Variants in TMEM18 observed in about 807,000 individuals in gnomAD.
TMEM18 encodes the protein transmembrane protein 18.
A neutral mutation model predicts 17.4 loss-of-function variants in TMEM18; 14 were observed. That is an observed-to-expected ratio of 0.80 (90% CI 0.53 to 1.25). TMEM18 has a LOEUF of 1.25. Among genes scored for constraint, TMEM18 ranks in the 50% most tolerant of loss-of-function variants. The pLI is 0.00. For missense variants in TMEM18, 187 were observed against 172.1 expected, an observed-to-expected ratio of 1.09 and a Z score of -0.48; for synonymous variants, 86 against 66.1, an observed-to-expected ratio of 1.30 and a Z score of -1.46.
intron 3 of TMEM18, among the ~76,000 whole-genome samples, chr2:672,585 C>T (rs1405508019): frequency 6.6e-6 from 1 of 152,268 alleles, no homozygotes; most frequent in Admixed American, 6.5e-5. Context: ...GAGGCCTCAG[C>T]CAGCACTGTC....
chr2:666,655 G>C lies in TMEM18; in HGVS notation c.*2925C>G, dbSNP rs1363765641. ...GACATCTTCGCACCATCCTGGGACT[G>C]GGCAGCGCCACCCCCTGGGTGCTCT... On this transcript the variant is annotated 3_prime_UTR_variant, in exon 5 of 5. Coordinates refer to ENST00000281017, the MANE Select transcript of TMEM18 (RefSeq NM_152834.4). Among the ~76,000 whole-genome samples the C allele has an allele frequency of 1.3e-5, 2 of 152,124 alleles. No individual in the cohort carries two copies. Among genetic ancestry groups the C allele is most frequent in the African/African-American group, 4.8e-5 (2 of 41,432 alleles).
intron 1 of TMEM18, chr2:676,412 T>TGCCCTCCAAGCTGCAGCCCC: frequency 4.5e-6 from 6 of 1,325,326 alleles, no homozygotes; most frequent in Non-Finnish European, 2.0e-6. Context: ...AGCCCCGCCC[T>TGCCCTCCAAGCTGCAGCCCC]GCCCTCCAAG....
At position 675,598 on chromosome 2, in the gene TMEM18, C is replaced by A. The variant is rs1298958840; in HGVS notation, c.90G>T (p.Gly30=). The A allele has an allele frequency of 6.2e-7, 1 of 1,614,148 alleles. No homozygotes were observed. Among genetic ancestry groups the A allele is most frequent in the South Asian group, 1.1e-5 (1 of 91,086 alleles). Residue 30 remains glycine, a synonymous_variant, in exon 2 of 5, where the codon GGG becomes GGT. Transcript: ENST00000281017. ...CGCAGAGCGCGTGGAAGGTGGCCAG[C>A]CCCATGAGCCAGGGCTCAGTCCAGT... ...QTDWTEPWLM[G]LATFHALCVL... is the part of the protein sequence containing the mutation.
rs1257865525 is a variant in TMEM18, at chr2:666,944, C to T, written c.*2636G>A. Reference sequence around the variant, plus strand: ...CCGGTATATCTCTGACGGCAATTCTCGTCTGTCTTTAAGCATCCCACTCAA... The same window carrying T: ...CCGGTATATCTCTGACGGCAATTCTTGTCTGTCTTTAAGCATCCCACTCAA... On this transcript the variant is annotated 3_prime_UTR_variant, in exon 5 of 5. Transcript: ENST00000281017. Among the ~76,000 whole-genome samples, 3 of 151,720 alleles carry T rather than the reference C, an allele frequency of 2.0e-5. No individual in the cohort carries two copies. The highest frequency in any genetic ancestry group is 6.6e-5 in the Admixed American group (1 of 15,246).
intron 3 of TMEM18, 96 bp from the exon 4 acceptor site, chr2:669,946 G>A (rs1678797542): frequency 2.1e-6 from 2 of 940,478 alleles, no homozygotes; most frequent in Non-Finnish European, 3.2e-6. Context: ...GAGAGCTGAT[G>A]TGGACTGAGG....
chr2:667,629 G>A lies in TMEM18; in HGVS notation c.*1951C>T, dbSNP rs578120054. 17 of 152,224 alleles carry A rather than the reference G, an allele frequency of 1.1e-4. No individual in the cohort carries two copies. Among genetic ancestry groups the A allele is most frequent in the Middle Eastern group, 3.4e-3 (1 of 294 alleles). 9.4% of individuals were successfully genotyped at this position (152,224 alleles called of 1,614,324 possible). A position where few individuals can be genotyped will look rare whatever the true frequency, so the allele number is the denominator to read the frequency against. ...GCTTCTATGACTTTCCCTAAAATGA[G>A]GACAACATATCAAGACAATTGTTAA... On this transcript the variant is annotated 3_prime_UTR_variant, in exon 5 of 5. Transcript: ENST00000281017.
intron 1 of TMEM18, chr2:675,860 T>A: frequency 1.3e-6 from 2 of 1,506,204 alleles, no homozygotes; most frequent in Non-Finnish European, 1.8e-6. Context: ...AGTGCAACTA[T>A]AATTCATGGA....
At position 666,590 on chromosome 2, in the gene TMEM18, G is replaced by A. The variant is rs909334915; in HGVS notation, c.*2990C>T. On this transcript the variant is annotated 3_prime_UTR_variant, in exon 5 of 5. Coordinates refer to ENST00000281017, the MANE Select transcript of TMEM18 (RefSeq NM_152834.4). ...ACCCACAGCCTGCGTGGGCCTCGCC[G>A]CCCCATCCTGCCTTCCCTGTGCAGC... Among the ~76,000 whole-genome samples, 13 of 152,062 alleles carry A rather than the reference G, an allele frequency of 8.5e-5. No homozygotes were observed. The highest frequency in any genetic ancestry group is 2.7e-4 in the African/African-American group (11 of 41,408).
Position 669,399 on chromosome 2 carries a change from C to G in TMEM18, c.*181G>C. On this transcript the variant is annotated 3_prime_UTR_variant, in exon 5 of 5. Coordinates refer to ENST00000281017, the MANE Select transcript of TMEM18 (RefSeq NM_152834.4). ...CTGAAGACGCATGTCCTGATGGATA[C>G]ATTCAGTGCTGGCTGAAAAGCCAAC... 1.5e-6 allele frequency: 1 copy of G among 658,620 alleles called. No individual in the cohort carries two copies. The highest frequency in any genetic ancestry group is 2.7e-6 in the Non-Finnish European group (1 of 369,820). The allele number at this position is 658,620 out of a possible 1,614,324, so 40.8% of individuals were successfully genotyped here. A position where few individuals can be genotyped will look rare whatever the true frequency, so the allele number is the denominator to read the frequency against.
At position 675,574 on chromosome 2, in the gene TMEM18, G is replaced by T; in HGVS notation, c.114C>A (p.Cys38Ter). 1 of 1,614,206 alleles carries T rather than the reference G, an allele frequency of 6.2e-7. No individual in the cohort carries two copies. Among genetic ancestry groups the T allele is most frequent in the South Asian group, 1.1e-5 (1 of 91,088 alleles). Residue 38 changes from cysteine (C) to a stop codon, truncating the protein, a stop_gained, in exon 2 of 5, where the codon TGC (cysteine) becomes TGA (stop). Coordinates refer to ENST00000281017, the MANE Select transcript of TMEM18 (RefSeq NM_152834.4). LOFTEE classifies it high-confidence loss of function. ...GGGAGGACAAGCAGGTGAGGAGCACGCAGAGCGCGTGGAAGGTGGCCAGCC... is the reference window on the plus strand; with the variant it reads ...GGGAGGACAAGCAGGTGAGGAGCACTCAGAGCGCGTGGAAGGTGGCCAGCC... ...LMGLATFHAL[C>*]VLLTCLSSRS...
intron 2 of TMEM18, among the ~76,000 whole-genome samples, chr2:674,049 G>A (rs1440695561): frequency 6.6e-6 from 1 of 152,120 alleles, no homozygotes; most frequent in Non-Finnish European, 1.5e-5. Flanking sequence ...TATAGCTGAG[G>A]GAGTTAGAGA....
chr2:668,166 C>T lies in TMEM18; in HGVS notation c.*1414G>A, dbSNP rs1475374722. On this transcript the variant is annotated 3_prime_UTR_variant, in exon 5 of 5. Coordinates refer to ENST00000281017, the MANE Select transcript of TMEM18 (RefSeq NM_152834.4). Reference sequence around the variant, plus strand: ...GAGAACTCCCTCTCTATTATGATAACAACATAGGGGAAACCACCCCCATGA... The same window carrying T: ...GAGAACTCCCTCTCTATTATGATAATAACATAGGGGAAACCACCCCCATGA... The T allele has an allele frequency of 6.6e-6, 1 of 152,170 alleles. No individual in the cohort carries two copies. Among genetic ancestry groups the T allele is most frequent in the Non-Finnish European group, 1.5e-5 (1 of 68,036 alleles). 9.4% of individuals were successfully genotyped at this position (152,170 alleles called of 1,614,324 possible). A position where few individuals can be genotyped will look rare whatever the true frequency, so the allele number is the denominator to read the frequency against.
At chr2:673,311 C>A (rs1313850207) in intron 2 of TMEM18, among the ~76,000 whole-genome samples, 2 of 152,176 alleles carry the variant, frequency 1.3e-5, no homozygotes, top group Non-Finnish European at 2.9e-5. Flanking sequence ...GACACTGCCA[C>A]TGAGATGACC....
chr2:674,235 C>A (rs1344906460), intron 2 of TMEM18, among the ~76,000 whole-genome samples: 1 of 152,200 alleles, frequency 6.6e-6, no homozygotes, highest in East Asian at 1.9e-4. Context: ...GTGCAGTTCT[C>A]CAGCTGACAA....
At chr2:673,297 T>C (rs1678901996) in intron 2 of TMEM18, among the ~76,000 whole-genome samples, 1 of 152,120 alleles carries the variant, frequency 6.6e-6, no homozygotes, top group African/African-American at 2.4e-5. Flanking sequence ...CGGGCTGACC[T>C]TGGGACACTG....
Position 666,343 on chromosome 2 carries a change from C to T in TMEM18, c.*3237G>A, listed in dbSNP as rs17729386. On this transcript the variant is annotated 3_prime_UTR_variant, in exon 5 of 5. Coordinates refer to ENST00000281017, the MANE Select transcript of TMEM18 (RefSeq NM_152834.4). ...TCCTTTCAGGGCCTGTGCCAGTCAG[C>T]GCCTCCCCTGGCATAGGTCTTGTGC... 0.25 allele frequency among the ~76,000 whole-genome samples: 37,879 copies of T among 152,072 alleles called. 4,995 individuals carry two copies. Among genetic ancestry groups the T allele is most frequent in the East Asian group, 0.37 (1,907 of 5,144 alleles).
At position 668,011 on chromosome 2, in the gene TMEM18, C is replaced by T. The variant is rs1678737512; in HGVS notation, c.*1569G>A. ...AAGAAGTTTAATTGACTCAGTTCCA[C>T]ATGGCCGGGGAGGCCTCGGGAAACT... On this transcript the variant is annotated 3_prime_UTR_variant, in exon 5 of 5. Transcript: ENST00000281017. 6.6e-6 allele frequency: 1 copy of T among 152,266 alleles called. No individual in the cohort carries two copies. The highest frequency in any genetic ancestry group is 2.4e-5 in the African/African-American group (1 of 41,474). 9.4% of individuals were successfully genotyped at this position (152,266 alleles called of 1,614,324 possible).
intron 2 of TMEM18, among the ~76,000 whole-genome samples, chr2:673,276 C>T (rs899694860): frequency 2.6e-5 from 4 of 152,200 alleles, no homozygotes; most frequent in African/African-American, 9.6e-5. Context: ...GCTTTTCACG[C>T]TCACACTTCC....
chr2:677,127 A>T, intron 1 of TMEM18, 162 bp downstream of exon 1: 1 of 800,154 alleles, frequency 1.2e-6, no homozygotes. Context: ...GCCCCGAGCC[A>T]CTCCCACAGG....
Sources: allele counts gnomAD v4.1 joint callset (sites outside exome capture counted in the v4.1 genomes callset), GRCh38; gene constraint gnomAD v4.1.1; transcripts MANE v1.5; gene names NCBI Gene and HGNC (gene_info 2026-07-23, HGNC 2026-07-21).